MAPK14: variants seen among roughly 807,000 people sequenced by gnomAD.
The protein encoded by MAPK14 is mitogen-activated protein kinase 14.
MAPK14 carries 16 observed loss-of-function variants against 49.6 expected under a neutral mutation model. The observed-to-expected ratio is 0.32, with a 90% CI of 0.22 to 0.49. The LOEUF is 0.49. Among genes scored for constraint, MAPK14 ranks in the 20% least tolerant of loss-of-function variants. The pLI is 0.99. For missense variants in MAPK14, 200 were observed against 441.2 expected, an observed-to-expected ratio of 0.45 and a Z score of 4.90; for synonymous variants, 142 against 158.0, an observed-to-expected ratio of 0.90 and a Z score of 0.76.
At chr6:36,118,105 G>A in the MAPK14 span, among the ~76,000 whole-genome samples, 1 of 152,166 alleles carries the variant, frequency 6.6e-6, no homozygotes, top group Non-Finnish European at 1.5e-5. Flanking sequence ...AATTCAAGTT[G>A]GCTGCACAGC....
At chr6:36,043,100 G>A (rs539341226) in intron 1 of MAPK14, among the ~76,000 whole-genome samples, 11 of 151,584 alleles carry the variant, frequency 7.3e-5, no homozygotes, top group African/African-American at 2.4e-4. Context: ...CTCTAGCCTG[G>A]GCAACAGAGC....
rs752128811 is a variant in MAPK14 at position 36,028,325 on chromosome 6, C to A, written c.116+52C>A. The A allele has an allele frequency of 7.5e-7, 1 of 1,329,624 alleles. No individual in the cohort carries two copies. Among genetic ancestry groups the A allele is most frequent in the Non-Finnish European group, 1.1e-6 (1 of 924,366 alleles). The allele number at this position is 1,329,624 out of a possible 1,614,324, so 82.4% of individuals were successfully genotyped here. On this transcript the variant is annotated intron_variant, in intron 1 of 11. Transcript: ENST00000229794. The surrounding 1 kb of genome is among the most constrained non-coding windows in gnomAD (Gnocchi z 5.1). ...TGTGGGCAGGGTGGCCCCTCGCGCC[C>A]GAGGGCCAGGCCTGCTCCACTGCTC...
Position 36,110,076 on chromosome 6 carries a change from C to T in MAPK14, c.*1629C>T, listed in dbSNP as rs201111410. On this transcript the variant is annotated 3_prime_UTR_variant, in exon 12 of 12. Coordinates refer to ENST00000229794, the MANE Select transcript of MAPK14 (RefSeq NM_139012.3). The stretch of plus-strand genomic sequence containing the variant: ...AATATCCTCAGGGGTGGAGAAGTGT[C>T]GTTTTCATAACTTGCTGAATTTCAG... 1 of 152,160 alleles carries T rather than the reference C, an allele frequency of 6.6e-6. No homozygotes were observed. The highest frequency in any genetic ancestry group is 2.4e-5 in the African/African-American group (1 of 41,420). The allele number at this position is 152,160 out of a possible 1,614,324, so 9.4% of individuals were successfully genotyped here. A position where few individuals can be genotyped will look rare whatever the true frequency, so the allele number is the denominator to read the frequency against.
intron 8 of MAPK14, among the ~76,000 whole-genome samples, chr6:36,086,116 AAG>A (rs1209314926): frequency 6.6e-6 from 1 of 152,138 alleles, no homozygotes; most frequent in African/African-American, 2.4e-5. Context: ...AATGAGAACA[AAG>A]AGAACATACC....
At chr6:36,047,682 A>G (rs370824128) in intron 1 of MAPK14, among the ~76,000 whole-genome samples, 15 of 152,182 alleles carry the variant, frequency 9.9e-5, no homozygotes, top group East Asian at 7.7e-4. Flanking sequence ...GGCTCAAGCA[A>G]TCTTCCTGCC....
chr6:36,097,196 A>C (rs1285995813), intron 9 of MAPK14: 1 of 152,206 alleles, frequency 6.6e-6, no homozygotes, highest in African/African-American at 2.4e-5. Flanking sequence ...TCCACTCTGA[A>C]TTTGTTTCAT....
At chr6:36,051,871 C>T (rs532721659) in intron 1 of MAPK14, among the ~76,000 whole-genome samples, 1 of 152,224 alleles carries the variant, frequency 6.6e-6, no homozygotes, top group Non-Finnish European at 1.5e-5. Flanking sequence ...GGTAAAGACT[C>T]TATAAACATT....
chr6:36,104,030 A>C (rs991372883), intron 10 of MAPK14, among the ~76,000 whole-genome samples: 1 of 152,164 alleles, frequency 6.6e-6, no homozygotes, highest in Admixed American at 6.5e-5. Context: ...CTTTTTAAGT[A>C]CTTCATCCAT....
chr6:36,047,763 T>G (rs2127411475), intron 1 of MAPK14, among the ~76,000 whole-genome samples: 1 of 150,820 alleles, frequency 6.6e-6, no homozygotes, highest in Admixed American at 6.6e-5. Flanking sequence ...GAGATGAAGT[T>G]TTGCTCTTGT....
At chr6:36,054,281 T>C (rs1184142249) in intron 2 of MAPK14, among the ~76,000 whole-genome samples, 1 of 152,180 alleles carries the variant, frequency 6.6e-6, no homozygotes, top group Non-Finnish European at 1.5e-5. Context: ...AAGCCAAACA[T>C]TTATGGAACC....
At chr6:36,038,406 A>G (rs2080395196) in intron 1 of MAPK14, among the ~76,000 whole-genome samples, 1 of 152,184 alleles carries the variant, frequency 6.6e-6, no homozygotes, top group South Asian at 2.1e-4. Context: ...AGAGGGTTGC[A>G]GATATGCAGG....
chr6:36,095,882 T>C (rs1765425413), intron 8 of MAPK14, 105 bp from the exon 9 acceptor site: 1 of 704,120 alleles, frequency 1.4e-6, no homozygotes, highest in African/African-American at 1.8e-5. Flanking sequence ...GGGTGTTTCA[T>C]TTTTGTTCTC....
intron 3 of MAPK14, among the ~76,000 whole-genome samples, chr6:36,065,721 T>G (rs1764027980): frequency 6.6e-6 from 1 of 152,100 alleles, no homozygotes; most frequent in African/African-American, 2.4e-5. Flanking sequence ...TACTTTTATG[T>G]GGGATGACAT....
intron 1 of MAPK14, among the ~76,000 whole-genome samples, chr6:36,044,188 A>G (rs1448292921): frequency 6.6e-6 from 1 of 152,172 alleles, no homozygotes; most frequent in African/African-American, 2.4e-5. Context: ...ATTTCAATAT[A>G]TTTAAATATT....
intron 1 of MAPK14, among the ~76,000 whole-genome samples, chr6:36,029,458 T>A (rs987137697): frequency 3.9e-5 from 6 of 152,256 alleles, no homozygotes; most frequent in African/African-American, 1.4e-4. Context: ...TTTCTATAAT[T>A]TGAAAGCTAC....
At chr6:36,068,451 CCT>C (rs536008858) in intron 3 of MAPK14, among the ~76,000 whole-genome samples, 39 of 152,232 alleles carry the variant, frequency 2.6e-4, no homozygotes, top group African/African-American at 8.9e-4. Flanking sequence ...ACACTCTTCC[CCT>C]GTGTTGAGAA....
At chr6:36,057,190 T>G (rs1425624633) in intron 2 of MAPK14, among the ~76,000 whole-genome samples, 1 of 152,206 alleles carries the variant, frequency 6.6e-6, no homozygotes, top group Non-Finnish European at 1.5e-5. Flanking sequence ...CAGTATTCCT[T>G]AAATGTCTAG....
At chr6:36,049,182 G>A (rs1455746188) in intron 1 of MAPK14, among the ~76,000 whole-genome samples, 1 of 152,196 alleles carries the variant, frequency 6.6e-6, no homozygotes, top group Non-Finnish European at 1.5e-5. Flanking sequence ...ATTGGATTGA[G>A]GAAAGAATGG....
At chr6:36,077,871 G>C (rs1764594042) in intron 8 of MAPK14, among the ~76,000 whole-genome samples, 1 of 152,170 alleles carries the variant, frequency 6.6e-6, no homozygotes, top group African/African-American at 2.4e-5. Flanking sequence ...CAAGGTAAGA[G>C]AATTAGGGAA....
Sources: gnomAD v4.1 joint callset for allele counts (sites outside exome capture counted in the v4.1 genomes callset) on GRCh38, gnomAD v4.1.1 for gene constraint, Gnocchi (gnomAD v3.1) non-coding constraint, MANE v1.5 for transcripts, NCBI Gene and HGNC (gene_info 2026-07-23, HGNC 2026-07-21) for gene names.